The following SPATA31A6 variants were observed in gnomAD, a reference collection of about 807,000 sequenced individuals.
The protein encoded by SPATA31A6 is SPATA31 subfamily A member 6.
SPATA31A6 carries 9 observed loss-of-function variants against 11.9 expected under a neutral mutation model. That is an observed-to-expected ratio of 0.76 (90% CI 0.46 to 1.32). The LOEUF is 1.32. Among genes scored for constraint, SPATA31A6 ranks in the 40% most tolerant of loss-of-function variants. The probability of loss-of-function intolerance (pLI) is 0.00; values close to 1 mark genes in which losing one functional copy is unlikely to be tolerated. For missense variants in SPATA31A6, 855 were observed against 1,467.3 expected, an observed-to-expected ratio of 0.58 and a Z score of 6.82; for synonymous variants, 314 against 572.1, an observed-to-expected ratio of 0.55 and a Z score of 6.44.
rs752460278 is a variant in SPATA31A6 at position 42,186,729 on chromosome 9, G to A, written c.1027G>A (p.Glu343Lys). 3.0e-5 allele frequency: 46 copies of A among 1,530,206 alleles called. 9 individuals are homozygous for A. The highest frequency in any genetic ancestry group is 3.5e-5 in the Admixed American group (2 of 56,960). 94.8% of individuals were successfully genotyped at this position (1,530,206 alleles called of 1,614,324 possible). Residue 343 changes from glutamate (E) to lysine (K), a missense_variant, in exon 4 of 4, where the codon GAA becomes AAA. Physicochemically the swap from Glu to Lys is moderately conservative, Grantham distance 56. Coordinates refer to ENST00000332857, the MANE Select transcript of SPATA31A6 (RefSeq NM_001145196.1). Reference sequence around the variant, plus strand: ...AACAGCCAAGGTCAACATTTGGGAAGAAAAAGAAAATGTTGGATCATTTAC... The same window carrying A: ...AACAGCCAAGGTCAACATTTGGGAAAAAAAAGAAAATGTTGGATCATTTAC... ...TETAKVNIWE[E>K]KENVGSFTNQ... is the part of the protein sequence containing the mutation.
Position 42,186,923 on chromosome 9 carries a change from T to A in SPATA31A6, c.1221T>A (p.Ser407Arg). The change falls in exon 4 of 4, where the codon AGT (serine) becomes AGA (arginine). Residue 407 changes from serine to arginine, a missense_variant. By Grantham distance (110) the Ser-to-Arg change is moderately radical. Coordinates refer to ENST00000332857, the MANE Select transcript of SPATA31A6 (RefSeq NM_001145196.1). ...CAGATCCTAGGCTCTTGCAGGAAAG[T>A]TTTTGGAAGAATTATAGCCAGCTTT... is the stretch of plus-strand genomic sequence containing the variant. Reference protein sequence around the residue: ...KCSDPRLLQESFWKNYSQLFW... With the variant: ...KCSDPRLLQERFWKNYSQLFW... 1 of 1,540,402 alleles carries A rather than the reference T, an allele frequency of 6.5e-7. No individual in the cohort carries two copies. Among genetic ancestry groups the A allele is most frequent in the South Asian group, 1.1e-5 (1 of 87,464 alleles).
rs1161714028 is a variant in SPATA31A6, at chr9:42,187,631, G to A, written c.1929G>A (p.Thr643=). ...AACCCAGTCCCTGGCAGTCCTCCAC[G>A]TCCACAGGTGAAAGCAGCAAGGAGG... ...KGKPSPWQSS[T]STGESSKEAQ... The change falls in exon 4 of 4, where the codon ACG becomes ACA. Residue 643 remains threonine, a synonymous_variant. Coordinates refer to ENST00000332857, the MANE Select transcript of SPATA31A6 (RefSeq NM_001145196.1). 16 of 1,332,476 alleles carry A rather than the reference G, an allele frequency of 1.2e-5. 4 individuals carry two copies. Among genetic ancestry groups the A allele is most frequent in the African/African-American group, 3.7e-5 (2 of 53,512 alleles). 82.5% of individuals were successfully genotyped at this position (1,332,476 alleles called of 1,614,324 possible).
intron 1 of SPATA31A6, among the ~76,000 whole-genome samples, 173 bp downstream of exon 1, chr9:42,184,049 T>C: frequency 7.3e-6 from 1 of 137,214 alleles, no homozygotes; most frequent in South Asian, 2.4e-4. Flanking sequence ...TAGGGGTAGA[T>C]AGTGTACTGG....
At chr9:42,184,176 G>A (rs1351749437) in intron 1 of SPATA31A6, among the ~76,000 whole-genome samples, 4 of 137,812 alleles carry the variant, frequency 2.9e-5, no homozygotes, top group Non-Finnish European at 6.2e-5. Flanking sequence ...GTCTCTGTCC[G>A]AGACCAGGCC....
In SPATA31A6 at chr9:42,187,316, C is replaced by T. The variant is rs777541479; in HGVS notation, c.1614C>T (p.His538=). ...VQALSLPETQ[H]PEWPLLRKQL... is the part of the protein sequence containing the mutation. ...CTCTCTCCCTACCTGAAACTCAGCA[C>T]CCTGAATGGCCTTTGTTGAGGAAAC... The change falls in exon 4 of 4, where the codon CAC becomes CAT. Residue 538 remains histidine (H), a synonymous_variant. Coordinates refer to ENST00000332857, the MANE Select transcript of SPATA31A6 (RefSeq NM_001145196.1). 5.2e-6 allele frequency: 8 copies of T among 1,540,078 alleles called. No individual in the cohort carries two copies. The highest frequency in any genetic ancestry group is 7.0e-6 in the Non-Finnish European group (8 of 1,137,510).
At position 42,189,305 on chromosome 9, in the gene SPATA31A6, A is replaced by G. The variant is rs1326998753; in HGVS notation, c.3603A>G (p.Glu1201=). 1 of 1,556,964 alleles carries G rather than the reference A, an allele frequency of 6.4e-7. No individual in the cohort carries two copies. Among genetic ancestry groups the G allele is most frequent in the African/African-American group, 1.5e-5 (1 of 66,070 alleles). The stretch of plus-strand genomic sequence containing the variant: ...CATGTGTGTACAGCAGCAGTGCTGA[A>G]GCTCAGGGTCTCATGACGGCAGTTG... ...NRSCVYSSSA[E]AQGLMTAVGQ... The change falls in exon 4 of 4, where the codon GAA becomes GAG. Residue 1201 remains glutamate (E), a synonymous_variant. Transcript: ENST00000332857.
intron 1 of SPATA31A6, among the ~76,000 whole-genome samples, chr9:42,184,531 AT>A (rs1333196727): frequency 1.7e-5 from 2 of 114,752 alleles, no homozygotes; most frequent in South Asian, 5.5e-4. Context: ...ATTTTATTTT[AT>A]TTTATTTTAT....
At position 42,186,792 on chromosome 9, in the gene SPATA31A6, G is replaced by A; in HGVS notation, c.1090G>A (p.Gly364Arg). The change falls in exon 4 of 4, where the codon GGG becomes AGG. Residue 364 changes from glycine (G) to arginine (R), a missense_variant. Physicochemically the swap from Gly to Arg is moderately radical, Grantham distance 125. Coordinates refer to ENST00000332857, the MANE Select transcript of SPATA31A6 (RefSeq NM_001145196.1). ...CCCAGAAAAGCACTTAAATTCTTTG[G>A]GGAATTTGGCTAAATCATTGGATGC... ...MTPEKHLNSL[G>R]NLAKSLDAEQ... 6.6e-7 allele frequency: 1 copy of A among 1,515,774 alleles called. No individual in the cohort carries two copies. Among genetic ancestry groups the A allele is most frequent in the Non-Finnish European group, 8.8e-7 (1 of 1,130,812 alleles). 93.9% of individuals were successfully genotyped at this position (1,515,774 alleles called of 1,614,324 possible).
Position 42,185,732 on chromosome 9 carries a change from G to A in SPATA31A6, c.285G>A (p.Ser95=), listed in dbSNP as rs762054468. ...GCCCGAGAGGCCTGGAGGAGACTTC[G>A]GACCTTCTTTCACAACTGCAGAGGT... ...RECPRGLEET[S]DLLSQLQSLL... Residue 95 remains serine (S), a synonymous_variant, in exon 3 of 4, where the codon TCG becomes TCA. Coordinates refer to ENST00000332857, the MANE Select transcript of SPATA31A6 (RefSeq NM_001145196.1). 7.6e-5 allele frequency: 95 copies of A among 1,258,094 alleles called. 14 individuals carry two copies. The highest frequency in any genetic ancestry group is 9.0e-5 in the Non-Finnish European group (82 of 914,006). 77.9% of individuals were successfully genotyped at this position (1,258,094 alleles called of 1,614,324 possible).
At chr9:42,183,985 A>G in intron 1 of SPATA31A6, 109 bp downstream of exon 1, 1 of 1,465,924 alleles carries the variant, frequency 6.8e-7, no homozygotes, top group Non-Finnish European at 9.1e-7. Context: ...GGGAAGTCTC[A>G]GAAGAGACCA....
In SPATA31A6 at chr9:42,186,617, C is replaced by T; in HGVS notation, c.915C>T (p.His305=). The T allele has an allele frequency of 6.5e-7, 1 of 1,532,684 alleles. No individual in the cohort carries two copies. Among genetic ancestry groups the T allele is most frequent in the Non-Finnish European group, 8.8e-7 (1 of 1,137,286 alleles). The allele number at this position is 1,532,684 out of a possible 1,614,324, so 94.9% of individuals were successfully genotyped here. Residue 305 remains histidine (H), a synonymous_variant, in exon 4 of 4, where the codon CAC becomes CAT. Coordinates refer to ENST00000332857, the MANE Select transcript of SPATA31A6 (RefSeq NM_001145196.1). The part of the protein sequence containing the change: ...SSVQQDPLSR[H]PPETCQMEAG... ...TCCAGCAAGATCCTCTTTCCCGCCACCCACCAGAGACCTGTCAGATGGAAG... is the reference window on the plus strand; with the variant it reads ...TCCAGCAAGATCCTCTTTCCCGCCATCCACCAGAGACCTGTCAGATGGAAG...
In SPATA31A6 at chr9:42,187,782, T is replaced by G. The variant is rs1234714520; in HGVS notation, c.2080T>G (p.Ser694Ala). The change falls in exon 4 of 4, where the codon TCT (serine) becomes GCT (alanine). Residue 694 changes from serine to alanine, a missense_variant. By Grantham distance (99) the Ser-to-Ala change is moderately conservative (BLOSUM62 1). Coordinates refer to ENST00000332857, the MANE Select transcript of SPATA31A6 (RefSeq NM_001145196.1). ...CCCACGGAAGGTTCTGGGGGTGACT[T>G]CTGAGGAGTCGGAAAGGAACTTGAG... is the stretch of plus-strand genomic sequence containing the variant. ...SFPRKVLGVT[S>A]EESERNLRKP... 1.7e-5 allele frequency: 25 copies of G among 1,496,668 alleles called. 3 individuals are homozygous for G. The East Asian group carries it at 6.3e-4, about 37-fold the overall frequency. The allele number at this position is 1,496,668 out of a possible 1,614,324, so 92.7% of individuals were successfully genotyped here.
rs1332241868 is a variant in SPATA31A6 at position 42,187,633 on chromosome 9, C to T, written c.1931C>T (p.Ser644Phe). 1.4e-6 allele frequency: 2 copies of T among 1,393,144 alleles called. 1 individual carries two copies. Among genetic ancestry groups the T allele is most frequent in the African/African-American group, 3.7e-5 (2 of 54,746 alleles). The allele number at this position is 1,393,144 out of a possible 1,614,324, so 86.3% of individuals were successfully genotyped here. ...CCCAGTCCCTGGCAGTCCTCCACGTCCACAGGTGAAAGCAGCAAGGAGGCA... is the reference window on the plus strand; with the variant it reads ...CCCAGTCCCTGGCAGTCCTCCACGTTCACAGGTGAAAGCAGCAAGGAGGCA... ...GKPSPWQSST[S>F]TGESSKEAQK... The change falls in exon 4 of 4, where the codon TCC (serine) becomes TTC (phenylalanine). Residue 644 changes from serine to phenylalanine, a missense_variant. Physicochemically the swap from Ser to Phe is radical, Grantham distance 155. Coordinates refer to ENST00000332857, the MANE Select transcript of SPATA31A6 (RefSeq NM_001145196.1).
chr9:42,187,013 T>C lies in SPATA31A6; in HGVS notation c.1311T>C (p.Ser437=), dbSNP rs1432922935. 1 of 1,547,280 alleles carries C rather than the reference T, an allele frequency of 6.5e-7. No homozygotes were observed. Residue 437 remains serine, a synonymous_variant, in exon 4 of 4, where the codon TCT becomes TCC. Coordinates refer to ENST00000332857, the MANE Select transcript of SPATA31A6 (RefSeq NM_001145196.1). ...LVANAWVTDR[S]YTLQSPPFLF... is the part of the protein sequence containing the mutation. ...CTAACGCCTGGGTAACTGACAGGTCTTATACTTTACAGTCTCCTCCTTTCT... is the reference window on the plus strand; with the variant it reads ...CTAACGCCTGGGTAACTGACAGGTCCTATACTTTACAGTCTCCTCCTTTCT...
At position 42,187,139 on chromosome 9, in the gene SPATA31A6, T is replaced by C; in HGVS notation, c.1437T>C (p.Ile479=). The C allele has an allele frequency of 6.5e-7, 1 of 1,542,504 alleles. No individual in the cohort carries two copies. The highest frequency in any genetic ancestry group is 8.8e-7 in the Non-Finnish European group (1 of 1,137,662). The change falls in exon 4 of 4, where the codon ATT becomes ATC. Residue 479 remains isoleucine, a synonymous_variant. Transcript: ENST00000332857. ...CCCTGTCCCACCGCCAACCCTTTAT[T>C]TCATCCACACCCCAATTCCTGCCCA... ...AQPLSHRQPF[I]SSTPQFLPTP... is the part of the protein sequence containing the mutation.
chr9:42,185,055 A>G lies in SPATA31A6; in HGVS notation c.190-14A>G, dbSNP rs1829419614. 4 of 1,537,006 alleles carry G rather than the reference A, an allele frequency of 2.6e-6. No homozygotes were observed. Among genetic ancestry groups the G allele is most frequent in the Non-Finnish European group, 2.6e-6 (3 of 1,136,150 alleles). On this transcript the variant is annotated splice_polypyrimidine_tract_variant and intron_variant, in intron 1 of 3. Transcript: ENST00000332857. ...CCGCGTCATCTTGTCTCCGTACGTC[A>G]TCATGTCTCCCAGTGTCCAGTAGGG...
chr9:42,188,943 C>A lies in SPATA31A6; in HGVS notation c.3241C>A (p.Gln1081Lys). The A allele has an allele frequency of 6.5e-7, 1 of 1,541,686 alleles. No homozygotes were observed. Among genetic ancestry groups the A allele is most frequent in the Non-Finnish European group, 8.8e-7 (1 of 1,137,282 alleles). ...LMAARRSKLV[Q>K]EEPRNPNCQG... is the part of the protein sequence containing the mutation. ...GGCAGCCAGAAGGAGCAAACTGGTG[C>A]AAGAGGAGCCCAGAAACCCAAACTG... The change falls in exon 4 of 4, where the codon CAA (glutamine) becomes AAA (lysine). Residue 1081 changes from glutamine to lysine, a missense_variant. Coordinates refer to ENST00000332857, the MANE Select transcript of SPATA31A6 (RefSeq NM_001145196.1).
rs1216084455 is a variant in SPATA31A6, at chr9:42,185,937, G to A, written c.309-74G>A. Reference sequence around the variant, plus strand: ...CAGGGTGTGGGATGGTGGAGGGGCTGTGGCCCGAGCACCCACTCTGCCCTC... The same window carrying A: ...CAGGGTGTGGGATGGTGGAGGGGCTATGGCCCGAGCACCCACTCTGCCCTC... On this transcript the variant is annotated intron_variant, in intron 3 of 3. Transcript: ENST00000332857. 6 of 1,495,268 alleles carry A rather than the reference G, an allele frequency of 4.0e-6. No homozygotes were observed. The Admixed American group carries it at 1.2e-4, about 29-fold the overall frequency. The allele number at this position is 1,495,268 out of a possible 1,614,324, so 92.6% of individuals were successfully genotyped here.
Position 42,187,269 on chromosome 9 carries a change from G to C in SPATA31A6, c.1567G>C (p.Ala523Pro). 1.3e-6 allele frequency: 2 copies of C among 1,541,832 alleles called. No individual in the cohort carries two copies. The highest frequency in any genetic ancestry group is 1.8e-6 in the Non-Finnish European group (2 of 1,137,836). The change falls in exon 4 of 4, where the codon GCA becomes CCA. Residue 523 changes from alanine to proline, a missense_variant. By Grantham distance (27) the Ala-to-Pro change is conservative. Transcript: ENST00000332857. The part of the protein sequence containing the change: ...LIKNTGVACP[A>P]SQNKVQALSL... ...TAAGAACACTGGAGTAGCTTGCCCT[G>C]CATCGCAGAATAAAGTGCAAGCTCT...
Sources: allele counts gnomAD v4.1 joint callset (sites outside exome capture counted in the v4.1 genomes callset), GRCh38; gene constraint gnomAD v4.1.1; transcripts MANE v1.5; gene names NCBI Gene and HGNC (gene_info 2026-07-23, HGNC 2026-07-21).